Variants in GRIA4 observed in about 807,000 individuals in gnomAD.
GRIA4 encodes the protein glutamate receptor 4.
A neutral mutation model predicts 104.0 loss-of-function variants in GRIA4; 34 were observed. The ratio of observed to expected loss-of-function variants is 0.33; its 90% CI spans 0.25 to 0.44. The LOEUF (loss-of-function observed/expected upper bound fraction) is 0.44. Among genes scored for constraint, GRIA4 ranks in the 20% least tolerant of loss-of-function variants. The probability of loss-of-function intolerance (pLI) is 1.00; values close to 1 mark genes in which losing one functional copy is unlikely to be tolerated. For missense variants in GRIA4, 750 were observed against 1,096.5 expected (o/e 0.68, Z 4.46); for synonymous variants, 386 against 381.9 (o/e 1.01, Z -0.13).
intron 13 of GRIA4, among the ~76,000 whole-genome samples, chr11:105,928,982 T>A (rs1411620051): frequency 1.3e-5 from 2 of 152,076 alleles, no homozygotes; most frequent in Non-Finnish European, 2.9e-5. Context: ...CAACCCAACT[T>A]CAGTTTTTAA....
intron 5 of GRIA4, among the ~76,000 whole-genome samples, chr11:105,886,387 A>T (rs1946259941): frequency 6.6e-6 from 1 of 152,062 alleles, no homozygotes; most frequent in Admixed American, 6.6e-5. Context: ...CAATTAAGTT[A>T]TTATTGACTA....
chr11:105,832,690 C>G (rs1419108071), intron 4 of GRIA4, among the ~76,000 whole-genome samples: 5 of 151,884 alleles, frequency 3.3e-5, no homozygotes, highest in Admixed American at 3.3e-4. Context: ...CATGGAGATA[C>G]CTGTGTTATC....
chr11:105,650,835 T>C (rs960429899), intron 3 of GRIA4, among the ~76,000 whole-genome samples: 6 of 152,134 alleles, frequency 3.9e-5, no homozygotes, highest in South Asian at 2.1e-4. Context: ...CAGATGAAGA[T>C]TGTCTATAAA....
intron 3 of GRIA4, among the ~76,000 whole-genome samples, chr11:105,646,778 T>C (rs943987982): frequency 2.0e-5 from 3 of 152,250 alleles, no homozygotes; most frequent in African/African-American, 4.8e-5. Flanking sequence ...TTATACCATA[T>C]ACAAAAATTA....
intron 4 of GRIA4, among the ~76,000 whole-genome samples, chr11:105,796,559 C>CAT (rs1942486997): frequency 6.6e-6 from 1 of 152,112 alleles, no homozygotes; most frequent in Non-Finnish European, 1.5e-5. Flanking sequence ...GGATGATTGC[C>CAT]ATCAGTGTTC....
At chr11:105,975,284 G>A (rs191564761) in intron 16 of GRIA4, among the ~76,000 whole-genome samples, 5 of 152,086 alleles carry the variant, frequency 3.3e-5, no homozygotes, top group Admixed American at 6.5e-5. Context: ...CATCAGAGAC[G>A]TCAGCAATAT....
chr11:105,946,977 T>C (rs950478677), intron 14 of GRIA4, among the ~76,000 whole-genome samples: 1 of 152,356 alleles, frequency 6.6e-6, no homozygotes, highest in East Asian at 1.9e-4. Flanking sequence ...TGTTAGAGCA[T>C]GTAATGAAAG....
intron 4 of GRIA4, chr11:105,797,821 T>C (rs1416462942): frequency 2.2e-6 from 1 of 455,742 alleles, no homozygotes. Flanking sequence ...GAGCATAAAC[T>C]CCATAACTGC....
chr11:105,825,741 G>A (rs1027489198), intron 4 of GRIA4, among the ~76,000 whole-genome samples: 1 of 152,018 alleles, frequency 6.6e-6, no homozygotes, highest in African/African-American at 2.4e-5. Context: ...TTTAGCTCAA[G>A]GGGTCGTTAG....
In GRIA4 at chr11:105,675,051, A is replaced by T. The variant is rs1169317672; in HGVS notation, c.247+62617A>T. Among the ~76,000 whole-genome samples, 4 of 151,986 alleles carry T rather than the reference A, an allele frequency of 2.6e-5. No homozygotes were observed. In the East Asian group the frequency reaches 7.7e-4, roughly 29 times the overall value. On this transcript the variant is annotated intron_variant, in intron 3 of 16. Coordinates refer to ENST00000282499, the MANE Select transcript of GRIA4 (RefSeq NM_000829.4). ...AGCTCCTTGGGGAAAAAGTTCTTAT[A>T]GTAGCTGACAGGCAGAGGGTTCATC...
intron 3 of GRIA4, among the ~76,000 whole-genome samples, chr11:105,687,298 C>T (rs960026666): frequency 3.3e-5 from 5 of 152,004 alleles, no homozygotes; most frequent in African/African-American, 9.7e-5. Flanking sequence ...GATTTGGACC[C>T]CAGTGATCTT....
intron 11 of GRIA4, among the ~76,000 whole-genome samples, chr11:105,919,216 C>A (rs59121533): frequency 6.6e-6 from 1 of 151,794 alleles, no homozygotes; most frequent in Non-Finnish European, 1.5e-5. Flanking sequence ...TTTGATGCTG[C>A]CATGTATAGA....
At chr11:105,671,677 CAAAAA>C (rs377767108) in intron 3 of GRIA4, among the ~76,000 whole-genome samples, 34 of 64,582 alleles carry the variant, frequency 5.3e-4, no homozygotes, top group African/African-American at 1.5e-3. Context: ...GACTCTGTCT[CAAAAA>C]AAAAAAAAAA....
chr11:105,873,758 G>A (rs937262631), intron 5 of GRIA4, among the ~76,000 whole-genome samples: 1 of 152,048 alleles, frequency 6.6e-6, no homozygotes, highest in African/African-American at 2.4e-5. Context: ...CTCACTTTTT[G>A]ATGGGGTTGT....
At chr11:105,695,574 G>A (rs891350844) in intron 3 of GRIA4, among the ~76,000 whole-genome samples, 3 of 151,838 alleles carry the variant, frequency 2.0e-5, no homozygotes, top group African/African-American at 7.3e-5. Context: ...ACTGTGATTC[G>A]AAAAGGGTAG....
chr11:105,975,105 A>G (rs1858909178), intron 16 of GRIA4, among the ~76,000 whole-genome samples: 1 of 152,208 alleles, frequency 6.6e-6, no homozygotes. Context: ...TTTTTAAAAC[A>G]TGAAATCCCA....
At chr11:105,752,309 G>A (rs913013386) in intron 3 of GRIA4, among the ~76,000 whole-genome samples, 7 of 152,066 alleles carry the variant, frequency 4.6e-5, no homozygotes, top group East Asian at 1.9e-4. Context: ...TTTTCGGCCC[G>A]CCTACAACAT....
intron 3 of GRIA4, among the ~76,000 whole-genome samples, chr11:105,651,738 A>G (rs1282435796): frequency 6.6e-6 from 1 of 151,846 alleles, no homozygotes; most frequent in East Asian, 1.9e-4. Context: ...ACTTTGGCTC[A>G]ATATATAGTA....
intron 4 of GRIA4, among the ~76,000 whole-genome samples, chr11:105,778,783 A>G (rs1437797746): frequency 6.6e-6 from 1 of 152,084 alleles, no homozygotes; most frequent in African/African-American, 2.4e-5. Context: ...TAGATAGTGT[A>G]GATCTTTTTT....
Sources: gnomAD v4.1 joint callset for allele counts (sites outside exome capture counted in the v4.1 genomes callset) on GRCh38, gnomAD v4.1.1 for gene constraint, MANE v1.5 for transcripts, NCBI Gene and HGNC (gene_info 2026-07-23, HGNC 2026-07-21) for gene names.